The following DPP10 variants were observed in gnomAD, a reference collection of about 807,000 sequenced individuals.
The protein encoded by DPP10 is dipeptidyl peptidase like 10, also known as inactive dipeptidyl peptidase 10.
A neutral mutation model predicts 120.9 loss-of-function variants in DPP10; 33 were observed. The ratio of observed to expected loss-of-function variants is 0.27; its 90% CI spans 0.21 to 0.37. The LOEUF (loss-of-function observed/expected upper bound fraction) is 0.37. Among genes scored for constraint, DPP10 ranks in the 10% least tolerant of loss-of-function variants. The pLI is 1.00. For synonymous variants in DPP10, 337 were observed against 326.1 expected (o/e 1.03, Z -0.36); for missense variants, 816 against 942.8 (o/e 0.87, Z 1.76).
At chr2:115,351,649 G>A (rs761159246) in intron 3 of DPP10, among the ~76,000 whole-genome samples, 5 of 152,026 alleles carry the variant, frequency 3.3e-5, no homozygotes, top group Non-Finnish European at 7.4e-5. Context: ...GTAAATCATG[G>A]TTATCAAGGC....
In DPP10 at chr2:115,515,835, G is replaced by A. The variant is rs2077476536; in HGVS notation, c.367-10063G>A. Among the ~76,000 whole-genome samples the A allele has an allele frequency of 2.0e-5, 3 of 151,956 alleles. No homozygotes were observed. The South Asian group carries it at 6.2e-4, about 32-fold the overall frequency. ...GGAATCATCTACCCTATAAGAGTTGGAAATATTACCCTTAAATTTTCCTTC... is the reference window on the plus strand; with the variant it reads ...GGAATCATCTACCCTATAAGAGTTGAAAATATTACCCTTAAATTTTCCTTC... On this transcript the variant is annotated intron_variant, in intron 4 of 25. Coordinates refer to ENST00000410059, the MANE Select transcript of DPP10 (RefSeq NM_020868.6).
chr2:115,568,178 CA>C (rs1230340872), intron 5 of DPP10, among the ~76,000 whole-genome samples: 2 of 82,712 alleles, frequency 2.4e-5, no homozygotes, highest in East Asian at 4.0e-4. Flanking sequence ...GACTCCGTCT[CA>C]AAAAAAAGAA....
intron 1 of DPP10, among the ~76,000 whole-genome samples, chr2:115,057,883 G>C (rs190060037): frequency 6.2e-4 from 94 of 152,314 alleles, no homozygotes; most frequent in African/African-American, 2.1e-3. Flanking sequence ...TTCCAGTCTA[G>C]TCTGAGTTTG....
chr2:115,287,316 T>C (rs1387266405), intron 1 of DPP10, among the ~76,000 whole-genome samples: 1 of 152,110 alleles, frequency 6.6e-6, no homozygotes, highest in Non-Finnish European at 1.5e-5. Context: ...TTCAGTAGCT[T>C]GAGGGGTACA....
intron 3 of DPP10, among the ~76,000 whole-genome samples, chr2:115,406,746 A>G (rs1015951371): frequency 6.6e-6 from 1 of 152,204 alleles, no homozygotes; most frequent in Admixed American, 6.5e-5. Flanking sequence ...AAAGATAACA[A>G]TTATAAAGGT....
intron 1 of DPP10, among the ~76,000 whole-genome samples, chr2:114,753,758 A>C (rs1679455632): frequency 6.6e-6 from 1 of 151,750 alleles, no homozygotes; most frequent in Admixed American, 6.6e-5. Context: ...AAATACAAAA[A>C]ATTAGCCAGG....
chr2:115,139,764 T>C (rs2050828653), intron 1 of DPP10, among the ~76,000 whole-genome samples: 1 of 132,240 alleles, frequency 7.6e-6, no homozygotes, highest in South Asian at 2.8e-4. Flanking sequence ...ATTAAGATAC[T>C]ACTTTGTTAT....
chr2:115,614,636 G>A (rs2084358004), intron 5 of DPP10, among the ~76,000 whole-genome samples: 3 of 152,112 alleles, frequency 2.0e-5, no homozygotes, highest in Non-Finnish European at 4.4e-5. Flanking sequence ...TGTTGGCCAG[G>A]CTGGTCTGAA....
intron 1 of DPP10, among the ~76,000 whole-genome samples, chr2:114,829,054 CGAGGAGAGT>C (rs1558783763): frequency 6.6e-6 from 1 of 151,952 alleles, no homozygotes; most frequent in Admixed American, 6.6e-5. Context: ...TTTGGGAGAC[CGAGGAGAGT>C]GGATCACGAG....
At chr2:115,537,695 C>G (rs148185885) in intron 5 of DPP10, among the ~76,000 whole-genome samples, 1 of 151,628 alleles carries the variant, frequency 6.6e-6, no homozygotes, top group East Asian at 2.0e-4. Context: ...AATAATGACG[C>G]ACATCTGCCG....
intron 1 of DPP10, among the ~76,000 whole-genome samples, chr2:114,586,723 G>T (rs1691010041): frequency 6.6e-6 from 1 of 152,162 alleles, no homozygotes; most frequent in Admixed American, 6.5e-5. Context: ...GTCATGGGAT[G>T]GATCCTTCAT....
At chr2:114,473,219 A>T (rs1018140977) in intron 1 of DPP10, among the ~76,000 whole-genome samples, 1 of 152,194 alleles carries the variant, frequency 6.6e-6, no homozygotes, top group African/African-American at 2.4e-5. Flanking sequence ...GGCATTTAAG[A>T]GCATGAAAAA....
chr2:114,962,861 T>C (rs1698748880), intron 1 of DPP10, among the ~76,000 whole-genome samples: 1 of 152,206 alleles, frequency 6.6e-6, no homozygotes, highest in Admixed American at 6.5e-5. Flanking sequence ...CCTTCTGACA[T>C]TGAATGTACT....
intron 5 of DPP10, among the ~76,000 whole-genome samples, chr2:115,557,785 C>G (rs534067270): frequency 6.6e-6 from 1 of 152,178 alleles, no homozygotes; most frequent in East Asian, 1.9e-4. Flanking sequence ...CTATTTGTCA[C>G]TTCCTGTGAA....
At chr2:115,076,739 C>A (rs1707831099) in intron 1 of DPP10, among the ~76,000 whole-genome samples, 1 of 152,122 alleles carries the variant, frequency 6.6e-6, no homozygotes, top group Non-Finnish European at 1.5e-5. Flanking sequence ...ATATAGTCTT[C>A]CATATTCCTG....
At chr2:115,407,083 C>G (rs980801428) in intron 3 of DPP10, among the ~76,000 whole-genome samples, 1 of 152,160 alleles carries the variant, frequency 6.6e-6, no homozygotes, top group Non-Finnish European at 1.5e-5. Flanking sequence ...CCTCACAGAT[C>G]GAATCCCAGG....
At chr2:114,745,013 G>C (rs1275064242) in intron 1 of DPP10, among the ~76,000 whole-genome samples, 4 of 152,038 alleles carry the variant, frequency 2.6e-5, no homozygotes, top group African/African-American at 9.7e-5. Flanking sequence ...GCCCATTTTG[G>C]CCTCCCAAAG....
intron 7 of DPP10, among the ~76,000 whole-genome samples, chr2:115,703,679 C>T (rs534383553): frequency 7.9e-5 from 12 of 152,062 alleles, no homozygotes; most frequent in African/African-American, 2.6e-4. Flanking sequence ...TATTCTTCTA[C>T]TTAAAATGAA....
chr2:115,425,152 CT>C (rs1490358820), intron 3 of DPP10, among the ~76,000 whole-genome samples: 4 of 152,216 alleles, frequency 2.6e-5, no homozygotes, highest in South Asian at 2.1e-4. Context: ...GTGCTGGCCC[CT>C]AAAAGGGTTT....
Sources: allele counts gnomAD v4.1 joint callset (sites outside exome capture counted in the v4.1 genomes callset), GRCh38; gene constraint gnomAD v4.1.1; transcripts MANE v1.5; gene names NCBI Gene and HGNC (gene_info 2026-07-23, HGNC 2026-07-21).